The following SH3BP5L variants were observed in gnomAD, a reference collection of about 807,000 sequenced individuals.
SH3BP5L encodes SH3 domain-binding protein 5-like.
SH3BP5L carries 16 observed loss-of-function variants against 40.9 expected under a neutral mutation model. That is an observed-to-expected ratio of 0.39 (90% CI 0.27 to 0.59). SH3BP5L has a LOEUF of 0.59. Ranked by LOEUF, SH3BP5L falls within the 20% of genes least tolerant of loss-of-function variation. The pLI, the probability that SH3BP5L is intolerant of heterozygous loss-of-function variation, is 0.53. For synonymous variants in SH3BP5L, 229 were observed against 226.7 expected (o/e 1.01, Z -0.09); for missense variants, 471 against 544.6 (o/e 0.86, Z 1.35).
At position 248,824,811 on chromosome 1, in the gene SH3BP5L, C is replaced by A; in HGVS notation, c.125G>T (p.Ser42Ile). 1 of 1,614,208 alleles carries A rather than the reference C, an allele frequency of 6.2e-7. No homozygotes were observed. The highest frequency in any genetic ancestry group is 8.5e-7 in the Non-Finnish European group (1 of 1,180,036). Residue 42 changes from serine (S) to isoleucine (I), a missense_variant, in exon 2 of 7, where the codon AGC becomes ATC. Ser to Ile is a moderately radical substitution (Grantham distance 142). Transcript: ENST00000366472. Reference protein sequence around the residue: ...VAEEPGGGGSSSSEAKLSPRE... With the variant: ...VAEEPGGGGSISSEAKLSPRE... ...TGGGGACAATTTGGCCTCACTGCTGCTGCTTCCACCTCCTCCAGGCTCTTC... is the reference window on the plus strand; with the variant it reads ...TGGGGACAATTTGGCCTCACTGCTGATGCTTCCACCTCCTCCAGGCTCTTC...
rs1197556373 is a variant in SH3BP5L at position 248,811,047 on chromosome 1, A to AT, written c.*852dup. ...CTGTGCAGCAAGAGTGAGGGTGGGA[A>AT]TGACAGGGGCCTAAGCCTTCAGGAC... is the stretch of plus-strand genomic sequence containing the variant. On this transcript the variant is annotated 3_prime_UTR_variant, in exon 7 of 7. Transcript: ENST00000366472. The AT allele has an allele frequency of 6.5e-6, 1 of 152,738 alleles. No individual in the cohort carries two copies. Among genetic ancestry groups the AT allele is most frequent in the Non-Finnish European group, 1.5e-5 (1 of 68,108 alleles). 9.5% of individuals were successfully genotyped at this position (152,738 alleles called of 1,614,324 possible).
Position 248,821,664 on chromosome 1 carries a change from C to T in SH3BP5L, c.183+3089G>A, listed in dbSNP as rs577447850. ...CAGACCCAGGTCCATCCTAGATCCA[C>T]GCTCCTTTCCTCTTCCCTCCACTGG... On this transcript the variant is annotated intron_variant, in intron 2 of 6. Coordinates refer to ENST00000366472, the MANE Select transcript of SH3BP5L (RefSeq NM_030645.3). This position sits in a 1 kb window ranked among gnomAD's most constrained non-coding sequence, Gnocchi z 4.6. Among the ~76,000 whole-genome samples, 5 of 152,164 alleles carry T rather than the reference C, an allele frequency of 3.3e-5. No individual in the cohort carries two copies. The highest frequency in any genetic ancestry group is 3.9e-4 in the East Asian group (2 of 5,174).
In SH3BP5L at chr1:248,812,253, C is replaced by T. The variant is rs1401465643; in HGVS notation, c.829G>A (p.Gly277Arg). ...CCCAGGGGGTGGGGAGGCAGACCCCCGCGGCGCCGTGCGTGAATCTGCTCG... is the reference window on the plus strand; with the variant it reads ...CCCAGGGGGTGGGGAGGCAGACCCCTGCGGCGCCGTGCGTGAATCTGCTCG... ...ISEQIHARRR[G>R]GLPPHPLGPR... Residue 277 changes from glycine (G) to arginine (R), a missense_variant, in exon 7 of 7, where the codon GGG becomes AGG. Coordinates refer to ENST00000366472, the MANE Select transcript of SH3BP5L (RefSeq NM_030645.3). This position sits in a 1 kb window ranked among gnomAD's most constrained non-coding sequence, Gnocchi z 6.1. 14 of 1,611,276 alleles carry T rather than the reference C, an allele frequency of 8.7e-6. No homozygotes were observed. Among genetic ancestry groups the T allele is most frequent in the African/African-American group, 1.3e-5 (1 of 75,034 alleles).
intron 5 of SH3BP5L, chr1:248,813,393 T>C (rs1448550143): frequency 1.2e-5 from 5 of 415,190 alleles, no homozygotes; most frequent in Non-Finnish European, 1.7e-5. Context: ...GAGGACCACA[T>C]CACAGGCACA....
Position 248,813,076 on chromosome 1 carries a change from G to A in SH3BP5L, c.624C>T (p.Val208=). ...TRLCQQAEAR[V]QALQKTLRRA... The stretch of plus-strand genomic sequence containing the variant: ...TCCGGAGGGTCTTCTGCAGGGCTTG[G>A]ACCCGAGCCTCAGCCTGTTGGCACA... The change falls in exon 6 of 7, where the codon GTC becomes GTT. Residue 208 remains valine (V), a synonymous_variant. Transcript: ENST00000366472. The A allele has an allele frequency of 6.2e-7, 1 of 1,612,394 alleles. No homozygotes were observed. The highest frequency in any genetic ancestry group is 8.5e-7 in the Non-Finnish European group (1 of 1,179,028).
chr1:248,816,643 C>T lies in SH3BP5L; in HGVS notation c.266G>A (p.Arg89Gln). Residue 89 changes from arginine (R) to glutamine (Q), a missense_variant, in exon 4 of 7, where the codon CGG (arginine) becomes CAG (glutamine). Coordinates refer to ENST00000366472, the MANE Select transcript of SH3BP5L (RefSeq NM_030645.3). ...CCTCGCCGACTCCTGTAGGATCCTC[C>T]GATAGGTGGTCCTGGCCTCCTGGAA... ...LQLDEARTTY[R>Q]RILQESARKL... The T allele has an allele frequency of 6.2e-7, 1 of 1,614,114 alleles. No individual in the cohort carries two copies. Among genetic ancestry groups the T allele is most frequent in the South Asian group, 1.1e-5 (1 of 91,076 alleles).
At chr1:248,817,004 C>T (rs573186758) in intron 2 of SH3BP5L, 120 bp from the exon 3 acceptor site, 2 of 1,574,616 alleles carry the variant, frequency 1.3e-6, no homozygotes, top group African/African-American at 1.4e-5. Flanking sequence ...TGAGGTGAGA[C>T]ACTCAGGAAA....
At position 248,812,812 on chromosome 1, in the gene SH3BP5L, C is replaced by A. The variant is rs1663988820; in HGVS notation, c.711+177G>T. On this transcript the variant is annotated intron_variant, in intron 6 of 6. Coordinates refer to ENST00000366472, the MANE Select transcript of SH3BP5L (RefSeq NM_030645.3). The surrounding 1 kb of genome is among the most constrained non-coding windows in gnomAD (Gnocchi z 6.1). ...CCAGCCCCCATCACCAGCCCCCATCCCTGCCTCTCACTCCTGCAAGGTCAT... is the reference window on the plus strand; with the variant it reads ...CCAGCCCCCATCACCAGCCCCCATCACTGCCTCTCACTCCTGCAAGGTCAT... Among the ~76,000 whole-genome samples, 1 of 152,044 alleles carries A rather than the reference C, an allele frequency of 6.6e-6. No homozygotes were observed. Among genetic ancestry groups the A allele is most frequent in the African/African-American group, 2.4e-5 (1 of 41,336 alleles).
At chr1:248,814,348 A>G in intron 5 of SH3BP5L, 101 bp downstream of exon 5, 1 of 1,315,462 alleles carries the variant, frequency 7.6e-7, no homozygotes, top group South Asian at 1.4e-5. Context: ...AGTTGAAAGA[A>G]GGCTAGAATA....
chr1:248,812,362 C>T lies in SH3BP5L; in HGVS notation c.720G>A (p.Lys240=), dbSNP rs1663970755. The change falls in exon 7 of 7, where the codon AAG becomes AAA. Residue 240 remains lysine, a synonymous_variant. Coordinates refer to ENST00000366472, the MANE Select transcript of SH3BP5L (RefSeq NM_030645.3). This position sits in a 1 kb window ranked among gnomAD's most constrained non-coding sequence, Gnocchi z 6.1. ...GCTGCTCCAGTTCTGTCACCTTGGC[C>T]TTGTGCTCCTGCAGAGGGCAGAGCA... The part of the protein sequence containing the change: ...AQFSQILEEH[K]AKVTELEQQV... 1 of 1,604,150 alleles carries T rather than the reference C, an allele frequency of 6.2e-7. No individual in the cohort carries two copies. Among genetic ancestry groups the T allele is most frequent in the Admixed American group, 1.7e-5 (1 of 59,990 alleles).
At position 248,811,738 on chromosome 1, in the gene SH3BP5L, A is replaced by C. The variant is rs933841884; in HGVS notation, c.*162T>G. 2 of 579,136 alleles carry C rather than the reference A, an allele frequency of 3.5e-6. No homozygotes were observed. The highest frequency in any genetic ancestry group is 3.9e-5 in the African/African-American group (2 of 51,898). The allele number at this position is 579,136 out of a possible 1,614,324, so 35.9% of individuals were successfully genotyped here. A position where few individuals can be genotyped will look rare whatever the true frequency, so the allele number is the denominator to read the frequency against. On this transcript the variant is annotated 3_prime_UTR_variant, in exon 7 of 7. Coordinates refer to ENST00000366472, the MANE Select transcript of SH3BP5L (RefSeq NM_030645.3). ...GGAAGGGGGAGGCTGTGAGAACGCC[A>C]GGGCAGGCACAGAGGACTCGAACAC...
intron 4 of SH3BP5L, chr1:248,816,156 CAAAGA>C (rs1664099514): frequency 5.4e-6 from 1 of 183,568 alleles, no homozygotes; most frequent in South Asian, 1.1e-4. Context: ...GAGGAGTAAG[CAAAGA>C]AAAGATTCAG....
In SH3BP5L at chr1:248,816,833, G is replaced by C. The variant is rs769164970; in HGVS notation, c.235C>G (p.Leu79Val). ...QASEEINQVE[L>V]QLDEARTTYR... is the part of the protein sequence containing the mutation. ...AAAAGGACACTCACATCCAGCTGTA[G>C]TTCCACCTGGTTGATCTCCTCGCTG... The change falls in exon 3 of 7, where the codon CTA becomes GTA. Residue 79 changes from leucine (L) to valine (V), a missense_variant. This residue lies in a region of SH3BP5L where 275 missense variants were observed against 370.1 expected (regional missense o/e 0.74). Coordinates refer to ENST00000366472, the MANE Select transcript of SH3BP5L (RefSeq NM_030645.3). 6.2e-7 allele frequency: 1 copy of C among 1,614,150 alleles called. No homozygotes were observed. The highest frequency in any genetic ancestry group is 8.5e-7 in the Non-Finnish European group (1 of 1,179,982).
Position 248,813,134 on chromosome 1 carries a change from C to G in SH3BP5L, c.566G>C (p.Arg189Pro), listed in dbSNP as rs1179608716. 6.2e-7 allele frequency: 1 copy of G among 1,603,808 alleles called. No homozygotes were observed. The highest frequency in any genetic ancestry group is 8.5e-7 in the Non-Finnish European group (1 of 1,174,792). The part of the protein sequence containing the change: ...KVNEAEEERL[R>P]GEREHQRVTR... ...CACTCGCTGGTGCTCCCGCTCACCT[C>G]GAAGCCGCTCTTCCTCCGCCTCATT... The change falls in exon 6 of 7, where the codon CGA (arginine) becomes CCA (proline). Residue 189 changes from arginine to proline, a missense_variant. By Grantham distance (103) the Arg-to-Pro change is moderately radical. This residue lies in a region of SH3BP5L where 275 missense variants were observed against 370.1 expected (regional missense o/e 0.74). Coordinates refer to ENST00000366472, the MANE Select transcript of SH3BP5L (RefSeq NM_030645.3).
At position 248,811,808 on chromosome 1, in the gene SH3BP5L, AAGACG is replaced by A; in HGVS notation, c.*87_*91del. The stretch of plus-strand genomic sequence containing the variant: ...AGCACTGGAGAAGGGGACCTTCGGG[AAGACG>A]AGGCCCCAGAGGAGAGGGCGTGAGA... On this transcript the variant is annotated 3_prime_UTR_variant, in exon 7 of 7. Coordinates refer to ENST00000366472, the MANE Select transcript of SH3BP5L (RefSeq NM_030645.3). 2 of 967,480 alleles carry A rather than the reference AAGACG, an allele frequency of 2.1e-6. No individual in the cohort carries two copies. The highest frequency in any genetic ancestry group is 3.4e-5 in the South Asian group (2 of 58,708). 59.9% of individuals were successfully genotyped at this position (967,480 alleles called of 1,614,324 possible).
At chr1:248,817,901 G>A (rs1664149384) in intron 2 of SH3BP5L, among the ~76,000 whole-genome samples, 1 of 152,168 alleles carries the variant, frequency 6.6e-6, no homozygotes, top group Admixed American at 6.5e-5. Flanking sequence ...AACCAAAGGG[G>A]AGCAGGTACC....
In SH3BP5L at chr1:248,816,364, C is replaced by A; in HGVS notation, c.375+170G>T. 1.3e-5 allele frequency: 9 copies of A among 677,974 alleles called. No homozygotes were observed. In the South Asian group the frequency reaches 1.7e-4, roughly 13 times the overall value. 42.0% of individuals were successfully genotyped at this position (677,974 alleles called of 1,614,324 possible). A position where few individuals can be genotyped will look rare whatever the true frequency, so the allele number is the denominator to read the frequency against. Reference sequence around the variant, plus strand: ...TTATAGACCATAAGCCCAGAGCCCACGTGGTAAAGGAACCTCCTGAGCCCA... The same window carrying A: ...TTATAGACCATAAGCCCAGAGCCCAAGTGGTAAAGGAACCTCCTGAGCCCA... On this transcript the variant is annotated intron_variant, in intron 4 of 6. Coordinates refer to ENST00000366472, the MANE Select transcript of SH3BP5L (RefSeq NM_030645.3).
At chr1:248,816,967 A>G in intron 2 of SH3BP5L, 83 bp from the exon 3 acceptor site, 1 of 1,607,908 alleles carries the variant, frequency 6.2e-7, no homozygotes, top group Non-Finnish European at 8.5e-7. Flanking sequence ...CAACACAGAG[A>G]GAGAGAGCCC....
Position 248,825,102 on chromosome 1 carries a change from G to A in SH3BP5L, c.-167C>T. 1 of 1,400,458 alleles carries A rather than the reference G, an allele frequency of 7.1e-7. No homozygotes were observed. The highest frequency in any genetic ancestry group is 9.2e-7 in the Non-Finnish European group (1 of 1,081,604). 86.8% of individuals were successfully genotyped at this position (1,400,458 alleles called of 1,614,324 possible). On this transcript the variant is annotated 5_prime_UTR_variant, in exon 2 of 7. Coordinates refer to ENST00000366472, the MANE Select transcript of SH3BP5L (RefSeq NM_030645.3). The stretch of plus-strand genomic sequence containing the variant: ...AGAACCTCACACTAGGTTAGAGGTT[G>A]AGATTCAAGTTGTCAGTGGGGTTCC...
Sources: allele counts gnomAD v4.1 joint callset (sites outside exome capture counted in the v4.1 genomes callset), GRCh38; gene constraint gnomAD v4.1.1; regional missense constraint gnomAD v4.1.1; non-coding constraint Gnocchi (gnomAD v3.1); transcripts MANE v1.5; gene names NCBI Gene and HGNC (gene_info 2026-07-23, HGNC 2026-07-21).